The following CNOT6 variants were observed in gnomAD, a reference collection of about 807,000 sequenced individuals.
The protein encoded by CNOT6 is CCR4-NOT transcription complex subunit 6.
A neutral mutation model predicts 61.2 loss-of-function variants in CNOT6; 12 were observed. The ratio of observed to expected loss-of-function variants is 0.20; its 90% confidence interval spans 0.13 to 0.32. CNOT6 has a LOEUF of 0.32. Ranked by LOEUF, CNOT6 falls within the 10% of genes least tolerant of loss-of-function variation. The pLI is 1.00. For missense variants in CNOT6, 405 were observed against 663.9 expected, an observed-to-expected ratio of 0.61 and a Z score of 4.28; for synonymous variants, 225 against 240.6, an observed-to-expected ratio of 0.94 and a Z score of 0.60.
rs1203408771 is a variant in CNOT6, at chr5:180,574,530, A to G, written c.*330A>G. ...TGTGAACAGCGTATTCTCTTCACAC[A>G]GAAATCTGTAGCACTGCTTTTTTGA... is the stretch of plus-strand genomic sequence containing the variant. On this transcript the variant is annotated 3_prime_UTR_variant, in exon 12 of 12. Coordinates refer to ENST00000261951, the MANE Select transcript of CNOT6 (RefSeq NM_001370472.1). 2.1e-5 allele frequency: 7 copies of G among 329,436 alleles called. No homozygotes were observed. In the Admixed American group the frequency reaches 2.3e-4, roughly 11 times the overall value. 20.4% of individuals were successfully genotyped at this position (329,436 alleles called of 1,614,324 possible). A position where few individuals can be genotyped will look rare whatever the true frequency, so the allele number is the denominator to read the frequency against.
chr5:180,541,696 C>T (rs2127735112), intron 2 of CNOT6, among the ~76,000 whole-genome samples: 1 of 152,066 alleles, frequency 6.6e-6, no homozygotes, highest in East Asian at 1.9e-4. Flanking sequence ...TCGTGATCCA[C>T]CCACCTCAGC....
intron 1 of CNOT6, among the ~76,000 whole-genome samples, chr5:180,516,007 C>G (rs564957522): frequency 6.6e-6 from 1 of 151,946 alleles, no homozygotes; most frequent in African/African-American, 2.4e-5. Context: ...ACTTCCTGGT[C>G]TCAAGCCATT....
chr5:180,571,777 G>T (rs1760760920), intron 11 of CNOT6, among the ~76,000 whole-genome samples: 1 of 152,104 alleles, frequency 6.6e-6, no homozygotes, highest in Admixed American at 6.6e-5. Flanking sequence ...TGCCCAGGCT[G>T]ATCTTGAACT....
At chr5:180,516,079 T>A (rs1479137540) in intron 1 of CNOT6, among the ~76,000 whole-genome samples, 1 of 151,852 alleles carries the variant, frequency 6.6e-6, no homozygotes, top group Non-Finnish European at 1.5e-5. Context: ...CCTGGCTAAT[T>A]TTTGTGTAGA....
intron 1 of CNOT6, among the ~76,000 whole-genome samples, chr5:180,512,661 A>G (rs1053064398): frequency 2.6e-5 from 4 of 152,220 alleles, no homozygotes; most frequent in African/African-American, 4.8e-5. Context: ...CAGTGGCGCA[A>G]TGTCTGCTCA....
At chr5:180,500,364 G>A (rs1024084290) in intron 1 of CNOT6, among the ~76,000 whole-genome samples, 6 of 151,972 alleles carry the variant, frequency 3.9e-5, no homozygotes, top group African/African-American at 9.7e-5. Context: ...CTCCTGCCTC[G>A]GCCTCCCAAA....
chr5:180,549,910 C>G (rs1759510530), intron 2 of CNOT6, 21 bp from the exon 3 acceptor site: 1 of 1,568,778 alleles, frequency 6.4e-7, no homozygotes, highest in South Asian at 1.1e-5. Flanking sequence ...TAATCCGTTC[C>G]TGTATTTTTT....
intron 10 of CNOT6, among the ~76,000 whole-genome samples, chr5:180,570,095 C>T (rs184631822): frequency 7.6e-4 from 116 of 152,288 alleles, no homozygotes; most frequent in African/African-American, 2.5e-3. Context: ...CCGTGGCTCA[C>T]GCCCGTAATC....
At chr5:180,564,432 A>T in intron 4 of CNOT6, 57 bp from the exon 5 acceptor site, 1 of 1,191,810 alleles carries the variant, frequency 8.4e-7, no homozygotes, top group Non-Finnish European at 1.2e-6. Context: ...TACATTTTAA[A>T]ATTTTGAAAC....
chr5:180,544,224 T>C (rs1759192013), intron 2 of CNOT6, among the ~76,000 whole-genome samples: 2 of 152,234 alleles, frequency 1.3e-5, no homozygotes, highest in Admixed American at 6.5e-5. Context: ...GGCAGGCACA[T>C]GCTATTATTT....
intron 1 of CNOT6, among the ~76,000 whole-genome samples, chr5:180,515,017 A>T (rs987440803): frequency 6.6e-6 from 1 of 152,126 alleles, no homozygotes; most frequent in Admixed American, 6.5e-5. Context: ...TTCCGTGTTG[A>T]GGAGGGCTTA....
intron 2 of CNOT6, among the ~76,000 whole-genome samples, chr5:180,531,470 G>T (rs186169826): frequency 7.9e-5 from 12 of 151,392 alleles, no homozygotes; most frequent in African/African-American, 2.9e-4. Context: ...ACGGGATGGC[G>T]GCTGGGAAGA....
rs1391797111 is a variant in CNOT6 at position 180,494,729 on chromosome 5, C to T, written c.-37C>T. On this transcript the variant is annotated 5_prime_UTR_variant, in exon 1 of 12. Coordinates refer to ENST00000261951, the MANE Select transcript of CNOT6 (RefSeq NM_001370472.1). ...CGCTGCACTCACAGGGAGGAGGAGG[C>T]GGCAGCGGCGGAGGAAGGCGGCGCA... The T allele has an allele frequency of 1.3e-5, 2 of 152,624 alleles. No individual in the cohort carries two copies. The highest frequency in any genetic ancestry group is 2.4e-5 in the African/African-American group (1 of 41,214). The allele number at this position is 152,624 out of a possible 1,614,324, so 9.5% of individuals were successfully genotyped here.
At chr5:180,539,419 A>G (rs965170552) in intron 2 of CNOT6, among the ~76,000 whole-genome samples, 1 of 150,164 alleles carries the variant, frequency 6.7e-6, no homozygotes, top group East Asian at 2.0e-4. Context: ...TCTTGCTTCT[A>G]TCATTTTTTA....
In CNOT6 at chr5:180,576,150, T is replaced by C. The variant is rs1220031182; in HGVS notation, c.*1950T>C. 1 of 152,628 alleles carries C rather than the reference T, an allele frequency of 6.6e-6. No individual in the cohort carries two copies. The highest frequency in any genetic ancestry group is 6.5e-5 in the Admixed American group (1 of 15,278). The allele number at this position is 152,628 out of a possible 1,614,324, so 9.5% of individuals were successfully genotyped here. ...TTTTATGGGGTTTTGTTATTGGTTTTTTTTTGTAAAGTGTGAATAAAAGGT... is the reference window on the plus strand; with the variant it reads ...TTTTATGGGGTTTTGTTATTGGTTTCTTTTTGTAAAGTGTGAATAAAAGGT... On this transcript the variant is annotated 3_prime_UTR_variant, in exon 12 of 12. Transcript: ENST00000261951.
At chr5:180,566,889 A>C (rs997271721) in intron 7 of CNOT6, among the ~76,000 whole-genome samples, 199 bp from the exon 8 acceptor site, 4 of 151,890 alleles carry the variant, frequency 2.6e-5, no homozygotes, top group Admixed American at 2.6e-4. Flanking sequence ...CCTGGGCTCT[A>C]GTGATCCGCC....
chr5:180,562,674 A>G (rs1469474423), intron 4 of CNOT6, among the ~76,000 whole-genome samples: 3 of 152,138 alleles, frequency 2.0e-5, no homozygotes, highest in Non-Finnish European at 4.4e-5. Flanking sequence ...CGGGAGGCGG[A>G]GCTTGCGGTG....
At chr5:180,497,881 T>TA (rs762576173) in intron 1 of CNOT6, among the ~76,000 whole-genome samples, 1 of 151,918 alleles carries the variant, frequency 6.6e-6, no homozygotes, top group Non-Finnish European at 1.5e-5. Context: ...CTGTCTCTAC[T>TA]AAAAATACAA....
At chr5:180,500,205 C>T (rs534476039) in intron 1 of CNOT6, among the ~76,000 whole-genome samples, 1 of 151,876 alleles carries the variant, frequency 6.6e-6, no homozygotes, top group East Asian at 1.9e-4. Context: ...CTTGCTGCAG[C>T]CTTGACCTCC....
Sources: gnomAD v4.1 joint callset for allele counts (sites outside exome capture counted in the v4.1 genomes callset) on GRCh38, gnomAD v4.1.1 for gene constraint, MANE v1.5 for transcripts, NCBI Gene and HGNC (gene_info 2026-07-23, HGNC 2026-07-21) for gene names.